The following TMEM132D variants were observed in gnomAD, a reference collection of about 807,000 sequenced individuals.
TMEM132D encodes the protein transmembrane protein 132D.
In TMEM132D, 21 loss-of-function variants were observed where a neutral mutation model predicts 62.3. That is an observed-to-expected ratio of 0.34 (90% CI 0.24 to 0.49). The LOEUF (loss-of-function observed/expected upper bound fraction) is 0.49. TMEM132D is among the 20% of genes least tolerant of loss of function. The pLI is 0.99. For missense variants in TMEM132D, 1,346 were observed against 1,402.8 expected, an observed-to-expected ratio of 0.96 and a Z score of 0.65; for synonymous variants, 621 against 575.6, an observed-to-expected ratio of 1.08 and a Z score of -1.13.
At position 129,361,672 on chromosome 12, in the gene TMEM132D, A is replaced by C. The variant is rs532436996; in HGVS notation, c.1116-23855T>G. Reference sequence around the variant, plus strand: ...CTATACACAAGACAATAACATGCAAATATCACACAACTCTATTGCAAAGGG... The same window carrying C: ...CTATACACAAGACAATAACATGCAACTATCACACAACTCTATTGCAAAGGG... On this transcript the variant is annotated intron_variant, in intron 3 of 8. Transcript: ENST00000422113. Among the ~76,000 whole-genome samples the C allele has an allele frequency of 2.1e-3, 321 of 152,328 alleles. 2 individuals are homozygous for C. The highest frequency in any genetic ancestry group is 7.1e-3 in the African/African-American group (297 of 41,572).
rs11384544 is a variant in TMEM132D, at chr12:129,151,880, C to CTT, written c.1443+57638_1443+57639dup. 2.2e-3 allele frequency among the ~76,000 whole-genome samples: 299 copies of CTT among 133,494 alleles called. 1 individual carries two copies. The highest frequency in any genetic ancestry group is 4.0e-3 in the East Asian group (18 of 4,538). 87.6% of individuals were successfully genotyped at this position (133,494 alleles called of 152,430 possible). A position where few individuals can be genotyped will look rare whatever the true frequency, so the allele number is the denominator to read the frequency against. On this transcript the variant is annotated intron_variant, in intron 5 of 8. Transcript: ENST00000422113. ...GTTAATGTGGACCACGTGATTCAAC[C>CTT]TTTTTTTTTTTTTTTTTGAGACAGT...
chr12:129,676,573 G>A (rs993881258), intron 2 of TMEM132D, among the ~76,000 whole-genome samples: 4 of 152,130 alleles, frequency 2.6e-5, no homozygotes, highest in South Asian at 4.1e-4. Context: ...TGGCGAGAGC[G>A]GGAGGCACCA....
At position 129,270,892 on chromosome 12, in the gene TMEM132D, A is replaced by C. The variant is rs570134316; in HGVS notation, c.1300-61229T>G. ...ACAGTCATGACAAGGTTTAACTTGT[A>C]TTGTTAAAAAATGGTTGTTGTTGAG... is the stretch of plus-strand genomic sequence containing the variant. On this transcript the variant is annotated intron_variant, in intron 4 of 8. Transcript: ENST00000422113. Among the ~76,000 whole-genome samples the C allele has an allele frequency of 1.2e-3, 176 of 152,328 alleles. 1 individual carries two copies. The highest frequency in any genetic ancestry group is 4.0e-3 in the African/African-American group (167 of 41,590).
rs189072422 is a variant in TMEM132D at position 129,519,893 on chromosome 12, G to A, written c.1115+11166C>T. On this transcript the variant is annotated intron_variant, in intron 3 of 8. Coordinates refer to ENST00000422113, the MANE Select transcript of TMEM132D (RefSeq NM_133448.3). ...CAAAGTTATGGGATTACAGGTGTGA[G>A]CCACCGCACCTGGCCAAGAATGCTT... Among the ~76,000 whole-genome samples, 4 of 152,280 alleles carry A rather than the reference G, an allele frequency of 2.6e-5. No homozygotes were observed. The East Asian group carries it at 5.8e-4, about 22-fold the overall frequency.
intron 5 of TMEM132D, among the ~76,000 whole-genome samples, chr12:129,180,561 T>C (rs757233605): frequency 6.6e-6 from 1 of 152,184 alleles, no homozygotes; most frequent in African/African-American, 2.4e-5. Context: ...TTCACAGACC[T>C]TATGGGAAAC....
intron 2 of TMEM132D, among the ~76,000 whole-genome samples, chr12:129,621,675 C>T (rs1381558979): frequency 2.6e-5 from 4 of 152,298 alleles, no homozygotes; most frequent in African/African-American, 9.6e-5. Flanking sequence ...GTTAACTATT[C>T]CAACCATTAT....
At chr12:129,852,571 A>C (rs993079737) in intron 1 of TMEM132D, 1 of 152,218 alleles carries the variant, frequency 6.6e-6, no homozygotes, top group African/African-American at 2.4e-5. Flanking sequence ...AATAAAAAAA[A>C]ACAATGTACA....
intron 4 of TMEM132D, among the ~76,000 whole-genome samples, chr12:129,292,967 G>A (rs2135620863): frequency 6.6e-6 from 1 of 152,310 alleles, no homozygotes; most frequent in Admixed American, 6.5e-5. Flanking sequence ...CAGTGGAGAA[G>A]TAGAGATATT....
chr12:129,451,623 T>C (rs1362063523), intron 3 of TMEM132D, among the ~76,000 whole-genome samples: 2 of 152,198 alleles, frequency 1.3e-5, no homozygotes, highest in African/African-American at 4.8e-5. Flanking sequence ...AGTGGATTTA[T>C]TAAAGATGTC....
chr12:129,690,287 T>A (rs1373028598), intron 2 of TMEM132D, among the ~76,000 whole-genome samples: 1 of 152,006 alleles, frequency 6.6e-6, no homozygotes. Context: ...AAGGGGCAGA[T>A]ACAGAACAAA....
At chr12:129,409,993 T>G (rs1208810595) in intron 3 of TMEM132D, among the ~76,000 whole-genome samples, 1 of 152,210 alleles carries the variant, frequency 6.6e-6, no homozygotes, top group East Asian at 1.9e-4. Flanking sequence ...AATGCTTCAT[T>G]AGAACATAGA....
At chr12:129,455,228 C>T (rs745524652) in intron 3 of TMEM132D, among the ~76,000 whole-genome samples, 2 of 152,198 alleles carry the variant, frequency 1.3e-5, no homozygotes, top group Non-Finnish European at 2.9e-5. Flanking sequence ...AAGAACAATG[C>T]CTTAAAGTAG....
At chr12:129,762,744 A>T (rs7132793) in intron 1 of TMEM132D, among the ~76,000 whole-genome samples, 8 of 152,164 alleles carry the variant, frequency 5.3e-5, no homozygotes, top group Admixed American at 2.6e-4. Context: ...TACAAATCAA[A>T]GGGTTTATCC....
intron 2 of TMEM132D, among the ~76,000 whole-genome samples, chr12:129,621,039 G>A (rs149143031): frequency 5.3e-4 from 81 of 152,212 alleles, no homozygotes; most frequent in African/African-American, 1.6e-3. Context: ...ATCCAAGCCC[G>A]CAGTGTCTTC....
At chr12:129,097,231 A>G (rs551912804) in intron 5 of TMEM132D, among the ~76,000 whole-genome samples, 10 of 152,348 alleles carry the variant, frequency 6.6e-5, no homozygotes, top group Non-Finnish European at 1.5e-4. Flanking sequence ...AGCGGTGACG[A>G]CCAACAGTGT....
chr12:129,539,510 T>C (rs1026271487), intron 2 of TMEM132D, among the ~76,000 whole-genome samples: 4 of 148,594 alleles, frequency 2.7e-5, no homozygotes, highest in African/African-American at 9.9e-5. Context: ...GTTTACACCA[T>C]TCTCCTGCTT....
chr12:129,267,360 G>A lies in TMEM132D; in HGVS notation c.1300-57697C>T, dbSNP rs1036875030. Among the ~76,000 whole-genome samples the A allele has an allele frequency of 4.6e-5, 7 of 152,192 alleles. No homozygotes were observed. The East Asian group carries it at 5.8e-4, about 13-fold the overall frequency. On this transcript the variant is annotated intron_variant, in intron 4 of 8. Transcript: ENST00000422113. ...GTCTCAGGATACAAAATCAATGTGC[G>A]AAAATCACAAGCATTCTCACACACC... is the stretch of plus-strand genomic sequence containing the variant.
chr12:129,802,656 T>A (rs1273973467), intron 1 of TMEM132D, among the ~76,000 whole-genome samples: 2 of 141,560 alleles, frequency 1.4e-5, no homozygotes, highest in Non-Finnish European at 3.1e-5. Flanking sequence ...CCAGCTAACA[T>A]CATAATGACA....
intron 2 of TMEM132D, among the ~76,000 whole-genome samples, chr12:129,620,175 G>A (rs1201360211): frequency 6.6e-6 from 1 of 152,228 alleles, no homozygotes; most frequent in Admixed American, 6.5e-5. Flanking sequence ...GGTCACCACA[G>A]CCACTGCTCT....
Sources: gnomAD v4.1 joint callset for allele counts (sites outside exome capture counted in the v4.1 genomes callset) on GRCh38, gnomAD v4.1.1 for gene constraint, MANE v1.5 for transcripts, NCBI Gene and HGNC (gene_info 2026-07-23, HGNC 2026-07-21) for gene names.